Variants in PDZD8 observed in about 807,000 individuals in gnomAD.
PDZD8 encodes PDZ domain-containing protein 8.
A neutral mutation model predicts 85.8 loss-of-function variants in PDZD8; 14 were observed. The ratio of observed to expected loss-of-function variants is 0.16; its 90% CI spans 0.11 to 0.26. PDZD8 has a LOEUF of 0.26. PDZD8 is among the 10% of genes least tolerant of loss of function. PDZD8 has a pLI of 1.00. For missense variants in PDZD8, 1,197 were observed against 1,424.3 expected, an observed-to-expected ratio of 0.84 and a Z score of 2.57; for synonymous variants, 592 against 568.6, an observed-to-expected ratio of 1.04 and a Z score of -0.59.
intron 2 of PDZD8, among the ~76,000 whole-genome samples, chr10:117,337,414 A>G (rs1027003045): frequency 2.6e-5 from 4 of 152,352 alleles, no homozygotes; most frequent in Non-Finnish European, 5.9e-5. Context: ...ACTCAAAAAA[A>G]CATGCAATTG....
chr10:117,295,824 A>G (rs1202852420), intron 3 of PDZD8, among the ~76,000 whole-genome samples: 1 of 152,166 alleles, frequency 6.6e-6, no homozygotes, highest in African/African-American at 2.4e-5. Flanking sequence ...GCAAACTAGA[A>G]GTATAAGAGA....
chr10:117,343,509 T>A (rs1844652321), intron 1 of PDZD8, among the ~76,000 whole-genome samples: 1 of 151,912 alleles, frequency 6.6e-6, no homozygotes, highest in Non-Finnish European at 1.5e-5. Context: ...TCCTTATGAC[T>A]CCTGAAAAAC....
intron 3 of PDZD8, among the ~76,000 whole-genome samples, chr10:117,309,186 G>A (rs1278482430): frequency 6.6e-6 from 1 of 152,030 alleles, no homozygotes; most frequent in Non-Finnish European, 1.5e-5. Flanking sequence ...CTGAGAAACA[G>A]AACCTAAAAA....
chr10:117,355,109 C>T (rs1025513086), intron 1 of PDZD8, among the ~76,000 whole-genome samples: 4 of 152,152 alleles, frequency 2.6e-5, no homozygotes, highest in South Asian at 2.1e-4. Flanking sequence ...TACTTAGATA[C>T]TTCAATTGAT....
At chr10:117,360,483 T>C (rs1385119239) in intron 1 of PDZD8, among the ~76,000 whole-genome samples, 1 of 152,078 alleles carries the variant, frequency 6.6e-6, no homozygotes, top group Non-Finnish European at 1.5e-5. Context: ...AATGAGAATA[T>C]AAAAATGACT....
intron 4 of PDZD8, among the ~76,000 whole-genome samples, chr10:117,286,936 G>A (rs1028672424): frequency 6.6e-6 from 1 of 152,132 alleles, no homozygotes; most frequent in Admixed American, 6.5e-5. Context: ...TGATCAGTCT[G>A]TAAACAACTA....
chr10:117,290,515 A>ACT (rs1844740011), intron 3 of PDZD8, among the ~76,000 whole-genome samples, 167 bp from the exon 4 acceptor site: 1 of 152,200 alleles, frequency 6.6e-6, no homozygotes. Context: ...ATATAAATTA[A>ACT]CTATCCTTAG....
At chr10:117,356,558 T>C (rs1277220831) in intron 1 of PDZD8, among the ~76,000 whole-genome samples, 1 of 152,192 alleles carries the variant, frequency 6.6e-6, no homozygotes, top group African/African-American at 2.4e-5. Context: ...TAAAGTTATA[T>C]TTAAGTGTTC....
At chr10:117,343,153 A>G (rs541378653) in intron 1 of PDZD8, among the ~76,000 whole-genome samples, 6 of 152,218 alleles carry the variant, frequency 3.9e-5, no homozygotes, top group Non-Finnish European at 7.3e-5. Context: ...TAACACTAAA[A>G]CTGAAATAAA....
intron 1 of PDZD8, among the ~76,000 whole-genome samples, chr10:117,366,457 T>A (rs960562063): frequency 5.9e-5 from 9 of 151,974 alleles, no homozygotes; most frequent in Non-Finnish European, 1.0e-4. Context: ...GAGGGGGGTG[T>A]ATTTTTAGGG....
intron 1 of PDZD8, among the ~76,000 whole-genome samples, chr10:117,344,853 A>G (rs1041354465): frequency 6.6e-6 from 1 of 152,128 alleles, no homozygotes; most frequent in Non-Finnish European, 1.5e-5. Context: ...GGATTCCTTC[A>G]TTGACCCAGC....
intron 4 of PDZD8, among the ~76,000 whole-genome samples, chr10:117,289,604 G>C (rs1350859184): frequency 6.6e-6 from 1 of 152,182 alleles, no homozygotes; most frequent in East Asian, 1.9e-4. Flanking sequence ...AACAATCCAA[G>C]TGATAGGAAG....
chr10:117,355,990 CTTAAG>C (rs1844887946), intron 1 of PDZD8, among the ~76,000 whole-genome samples: 1 of 152,008 alleles, frequency 6.6e-6, no homozygotes, highest in East Asian at 1.9e-4. Context: ...TTTTAAAACT[CTTAAG>C]TTATTATATG....
intron 1 of PDZD8, among the ~76,000 whole-genome samples, chr10:117,356,697 G>A (rs987938212): frequency 1.3e-5 from 2 of 152,122 alleles, no homozygotes; most frequent in African/African-American, 4.8e-5. Context: ...TATCATTAAG[G>A]TAGGCATCCT....
At chr10:117,371,415 C>T (rs1379126089) in intron 1 of PDZD8, among the ~76,000 whole-genome samples, 3 of 152,162 alleles carry the variant, frequency 2.0e-5, no homozygotes, top group Admixed American at 1.3e-4. Flanking sequence ...ACACTCCTGA[C>T]CTTAAGTAAT....
At chr10:117,367,327 C>T (rs190205622) in intron 1 of PDZD8, among the ~76,000 whole-genome samples, 1 of 152,214 alleles carries the variant, frequency 6.6e-6, no homozygotes, top group African/African-American at 2.4e-5. Flanking sequence ...AGGAGAACTG[C>T]TTGAACCCGG....
chr10:117,305,153 C>G (rs890937309), intron 3 of PDZD8, among the ~76,000 whole-genome samples: 1 of 152,130 alleles, frequency 6.6e-6, no homozygotes, highest in African/African-American at 2.4e-5. Context: ...TGGCTGATGC[C>G]TATAATCCCA....
In PDZD8 at chr10:117,374,714, C is replaced by T; in HGVS notation, c.514G>A (p.Gly172Arg). ...LVRPVVPSATGEPDGPEGEAL... is the reference protein window; with the variant it reads ...LVRPVVPSATREPDGPEGEAL... Reference sequence around the variant, plus strand: ...TCCCCTTCAGGGCCATCGGGCTCCCCGGTGGCCGAGGGCACGACTGGCCGC... The same window carrying T: ...TCCCCTTCAGGGCCATCGGGCTCCCTGGTGGCCGAGGGCACGACTGGCCGC... The change falls in exon 1 of 5, where the codon GGG (glycine) becomes AGG (arginine). Residue 172 changes from glycine (G) to arginine (R), a missense_variant. Coordinates refer to ENST00000334464, the MANE Select transcript of PDZD8 (RefSeq NM_173791.5). The surrounding 1 kb of genome is among the most constrained non-coding windows in gnomAD (Gnocchi z 7.8). The T allele has an allele frequency of 6.2e-7, 1 of 1,607,582 alleles. No homozygotes were observed. Among genetic ancestry groups the T allele is most frequent in the Non-Finnish European group, 8.5e-7 (1 of 1,177,730 alleles).
intron 3 of PDZD8, among the ~76,000 whole-genome samples, chr10:117,298,172 C>T (rs1317950417): frequency 6.6e-6 from 1 of 151,718 alleles, no homozygotes; most frequent in Non-Finnish European, 1.5e-5. Context: ...GCAAGAACAG[C>T]GTGTCTGAAA....
Sources: gnomAD v4.1 joint callset for allele counts (sites outside exome capture counted in the v4.1 genomes callset) on GRCh38, gnomAD v4.1.1 for gene constraint, Gnocchi (gnomAD v3.1) non-coding constraint, MANE v1.5 for transcripts, NCBI Gene and HGNC (gene_info 2026-07-23, HGNC 2026-07-21) for gene names.